The following KCNQ5 variants were observed in gnomAD, a reference collection of about 807,000 sequenced individuals.
The protein encoded by KCNQ5 is potassium voltage-gated channel subfamily KQT member 5.
Under a neutral mutation model 98.2 loss-of-function variants are expected in KCNQ5, and 30 were observed. That is an observed-to-expected ratio of 0.31 (90% CI 0.23 to 0.41). KCNQ5 has a LOEUF of 0.41. KCNQ5 is among the 10% of genes least tolerant of loss of function. The probability of loss-of-function intolerance (pLI) is 1.00; values close to 1 mark genes in which losing one functional copy is unlikely to be tolerated. For missense variants in KCNQ5, 835 were observed against 1,182.5 expected (o/e 0.71, Z 4.31); for synonymous variants, 458 against 449.4 (o/e 1.02, Z -0.24).
At chr6:73,018,379 T>G (rs946494495) in intron 2 of KCNQ5, among the ~76,000 whole-genome samples, 1 of 152,072 alleles carries the variant, frequency 6.6e-6, no homozygotes, top group African/African-American at 2.4e-5. Flanking sequence ...TTTGGGAAGC[T>G]TGTCAGTTTG....
intron 1 of KCNQ5, among the ~76,000 whole-genome samples, chr6:72,703,196 A>C (rs1191030655): frequency 6.6e-6 from 1 of 151,658 alleles, no homozygotes; most frequent in African/African-American, 2.4e-5. Flanking sequence ...GAGATTCTCA[A>C]CTCCACTCCA....
chr6:73,147,980 C>T (rs1259491261), intron 10 of KCNQ5, among the ~76,000 whole-genome samples: 3 of 152,074 alleles, frequency 2.0e-5, no homozygotes, highest in African/African-American at 4.8e-5. Context: ...CATATAAAAA[C>T]ATATTCTAGT....
intron 1 of KCNQ5, among the ~76,000 whole-genome samples, chr6:72,633,085 C>T (rs1387518669): frequency 2.0e-5 from 3 of 152,160 alleles, no homozygotes; most frequent in Non-Finnish European, 4.4e-5. Context: ...GCAGTCTCAC[C>T]AGCATCTGTT....
At chr6:73,134,040 G>A (rs10498890) in intron 10 of KCNQ5, 10 of 470,538 alleles carry the variant, frequency 2.1e-5, no homozygotes, top group Non-Finnish European at 4.4e-5. Context: ...TTGAAACACA[G>A]TAAGGAGGAT....
chr6:72,865,561 G>A (rs1777947307), intron 1 of KCNQ5, among the ~76,000 whole-genome samples: 1 of 152,084 alleles, frequency 6.6e-6, no homozygotes, highest in African/African-American at 2.4e-5. Context: ...TTGATCATAA[G>A]GGATCCTGAA....
In KCNQ5 at chr6:72,846,718, C is replaced by G. The variant is rs575167501; in HGVS notation, c.399-157190C>G. Reference sequence around the variant, plus strand: ...CTGACTGCTTATGTACCTTCCTTCCCAAACTTGGCTCTGAATGACATTTGG... The same window carrying G: ...CTGACTGCTTATGTACCTTCCTTCCGAAACTTGGCTCTGAATGACATTTGG... On this transcript the variant is annotated intron_variant, in intron 1 of 13. Coordinates refer to ENST00000370398, the MANE Select transcript of KCNQ5 (RefSeq NM_019842.4). Among the ~76,000 whole-genome samples, 41 of 152,230 alleles carry G rather than the reference C, an allele frequency of 2.7e-4. 1 individual carries two copies. Among genetic ancestry groups the G allele is most frequent in the South Asian group, 1.0e-3 (5 of 4,826 alleles).
At chr6:73,156,538 T>C (rs1777367925) in intron 10 of KCNQ5, among the ~76,000 whole-genome samples, 1 of 151,974 alleles carries the variant, frequency 6.6e-6, no homozygotes, top group Non-Finnish European at 1.5e-5. Context: ...GGCAGGAGAA[T>C]AGCTTGAACC....
chr6:72,956,216 A>G (rs1476887035), intron 1 of KCNQ5, among the ~76,000 whole-genome samples: 1 of 152,236 alleles, frequency 6.6e-6, no homozygotes. Flanking sequence ...TCTTTATTTT[A>G]CATATGAAAG....
At chr6:72,858,351 G>T (rs1450526136) in intron 1 of KCNQ5, among the ~76,000 whole-genome samples, 1 of 152,034 alleles carries the variant, frequency 6.6e-6, no homozygotes, top group Non-Finnish European at 1.5e-5. Context: ...TGCACGCTGA[G>T]ATCAGATGTT....
intron 1 of KCNQ5, among the ~76,000 whole-genome samples, chr6:72,698,286 C>G (rs952601998): frequency 9.9e-5 from 15 of 152,060 alleles, no homozygotes; most frequent in African/African-American, 3.1e-4. Flanking sequence ...CACCGGTAAC[C>G]TCCGCCTCCC....
chr6:72,816,040 A>G (rs1199263821), intron 1 of KCNQ5, among the ~76,000 whole-genome samples: 1 of 152,174 alleles, frequency 6.6e-6, no homozygotes, highest in Non-Finnish European at 1.5e-5. Context: ...TTCCTTAAGG[A>G]ACACCCCCAC....
Position 73,021,207 on chromosome 6 carries a change from A to G in KCNQ5, c.489+17209A>G, listed in dbSNP as rs181562179. Among the ~76,000 whole-genome samples, 17 of 152,312 alleles carry G rather than the reference A, an allele frequency of 1.1e-4. No individual in the cohort carries two copies. The East Asian group carries it at 3.1e-3, about 28-fold the overall frequency. On this transcript the variant is annotated intron_variant, in intron 2 of 13. Coordinates refer to ENST00000370398, the MANE Select transcript of KCNQ5 (RefSeq NM_019842.4). The stretch of plus-strand genomic sequence containing the variant: ...AATGGTCTGTAGCAGTGGATGGTCT[A>G]TAACGGTGTTCATCACACTCTGCTA...
intron 1 of KCNQ5, among the ~76,000 whole-genome samples, chr6:72,740,565 G>C (rs1171947657): frequency 6.6e-6 from 1 of 152,090 alleles, no homozygotes; most frequent in African/African-American, 2.4e-5. Flanking sequence ...CAGGGTTTGT[G>C]GAGGATCTGG....
chr6:73,100,490 C>A lies in KCNQ5; in HGVS notation c.919-4767C>A, dbSNP rs1252002259. Among the ~76,000 whole-genome samples the A allele has an allele frequency of 4.1e-5, 6 of 145,700 alleles. No homozygotes were observed. In the South Asian group the frequency reaches 1.2e-3, roughly 29 times the overall value. On this transcript the variant is annotated intron_variant, in intron 5 of 13. Transcript: ENST00000370398. ...GACCATCCTGGCTAACATGATGAAA[C>A]CCTGTCTCTACTAAAAAATACAAAA...
chr6:72,716,586 T>C lies in KCNQ5; in HGVS notation c.398+93999T>C, dbSNP rs188248578. ...TCAATTAATCCTGGGTACCATATTT[T>C]GTACAGAAGATTGAATTTTTTCTTT... On this transcript the variant is annotated intron_variant, in intron 1 of 13. Transcript: ENST00000370398. Among the ~76,000 whole-genome samples, 6 of 152,350 alleles carry C rather than the reference T, an allele frequency of 3.9e-5. No individual in the cohort carries two copies. The East Asian group carries it at 1.2e-3, about 29-fold the overall frequency.
intron 1 of KCNQ5, among the ~76,000 whole-genome samples, chr6:72,643,311 CAG>C (rs1255881036): frequency 1.3e-5 from 2 of 152,106 alleles, no homozygotes; most frequent in South Asian, 2.1e-4. Context: ...TACACAAACA[CAG>C]AGCATTTTCC....
At chr6:72,643,791 T>C (rs916040422) in intron 1 of KCNQ5, among the ~76,000 whole-genome samples, 66 of 152,292 alleles carry the variant, frequency 4.3e-4, no homozygotes, top group African/African-American at 1.5e-3. Flanking sequence ...AACCAGAATT[T>C]TCTTTAATTT....
chr6:72,753,221 T>A (rs1416168842), intron 1 of KCNQ5, among the ~76,000 whole-genome samples: 1 of 152,140 alleles, frequency 6.6e-6, no homozygotes, highest in Non-Finnish European at 1.5e-5. Context: ...TTTTTATGAT[T>A]GGCTTTTTTT....
chr6:72,726,208 A>ATTT (rs371004096), intron 1 of KCNQ5, among the ~76,000 whole-genome samples: 3 of 141,992 alleles, frequency 2.1e-5, no homozygotes, highest in Non-Finnish European at 3.1e-5. Flanking sequence ...TTAAATTTAA[A>ATTT]TTTTTTTTTT....
Sources: gnomAD v4.1 joint callset for allele counts (sites outside exome capture counted in the v4.1 genomes callset) on GRCh38, gnomAD v4.1.1 for gene constraint, MANE v1.5 for transcripts, NCBI Gene and HGNC (gene_info 2026-07-23, HGNC 2026-07-21) for gene names.